Variants in REV3L observed in about 807,000 individuals in gnomAD.
REV3L encodes the protein DNA polymerase zeta catalytic subunit.
Under a neutral mutation model 299.4 loss-of-function variants are expected in REV3L, and 69 were observed. That is an observed-to-expected ratio of 0.23 (90% CI 0.19 to 0.28). The LOEUF (loss-of-function observed/expected upper bound fraction) is 0.28. REV3L is among the 10% of genes least tolerant of loss of function. REV3L has a pLI of 1.00. For synonymous variants in REV3L, 1,238 were observed against 1,271.4 expected (o/e 0.97, Z 0.56); for missense variants, 3,128 against 3,693.8 (o/e 0.85, Z 3.97).
At chr6:111,322,754 A>G (rs1258548573) in intron 25 of REV3L, 76 bp from the exon 26 acceptor site, 1 of 951,996 alleles carries the variant, frequency 1.1e-6, no homozygotes. Context: ...CATATAATAC[A>G]TTTAATTACT....
chr6:111,461,976 CAG>C (rs1250770112), intron 1 of REV3L, among the ~76,000 whole-genome samples: 2 of 151,922 alleles, frequency 1.3e-5, no homozygotes, highest in Non-Finnish European at 2.9e-5. Context: ...AAATGAAAGA[CAG>C]AGATTATCAG....
At chr6:111,358,430 T>C (rs568160931) in intron 17 of REV3L, among the ~76,000 whole-genome samples, 1 of 152,260 alleles carries the variant, frequency 6.6e-6, no homozygotes, top group East Asian at 1.9e-4. Flanking sequence ...AATATTAAGA[T>C]CTTTATATTG....
At chr6:111,345,247 TGAGAAGA>T (rs1776909075) in intron 20 of REV3L, among the ~76,000 whole-genome samples, 2 of 151,938 alleles carry the variant, frequency 1.3e-5, no homozygotes, top group Non-Finnish European at 1.5e-5. Flanking sequence ...AACATGAAAA[TGAGAAGA>T]GGGAAGATAT....
At chr6:111,331,870 A>G in intron 23 of REV3L, 86 bp from the exon 24 acceptor site, 1 of 834,352 alleles carries the variant, frequency 1.2e-6, no homozygotes, top group Non-Finnish European at 2.0e-6. Flanking sequence ...TTCTAACTCC[A>G]TTAGAAATTC....
chr6:111,475,924 T>C (rs1361146942), intron 1 of REV3L, among the ~76,000 whole-genome samples: 2 of 152,220 alleles, frequency 1.3e-5, no homozygotes, highest in Admixed American at 6.5e-5. Flanking sequence ...TTTTTCCAGA[T>C]GACTAACTGG....
intron 1 of REV3L, among the ~76,000 whole-genome samples, chr6:111,428,750 T>C (rs1786489909): frequency 6.6e-6 from 1 of 151,746 alleles, no homozygotes; most frequent in Admixed American, 6.6e-5. Flanking sequence ...AAAGACAAAA[T>C]CTAAGAAATT....
intron 1 of REV3L, among the ~76,000 whole-genome samples, chr6:111,422,772 C>T (rs1175252734): frequency 6.8e-6 from 1 of 147,666 alleles, no homozygotes; most frequent in African/African-American, 2.5e-5. Context: ...TTTTAAATAA[C>T]CCAGAAACTT....
chr6:111,439,345 G>A (rs1302829773), intron 1 of REV3L, among the ~76,000 whole-genome samples: 2 of 152,152 alleles, frequency 1.3e-5, no homozygotes, highest in African/African-American at 2.4e-5. Flanking sequence ...TGTACAGTGC[G>A]GTGGTGGTTC....
intron 1 of REV3L, among the ~76,000 whole-genome samples, chr6:111,432,798 C>CA (rs774689338): frequency 6.6e-6 from 1 of 152,032 alleles, no homozygotes; most frequent in Non-Finnish European, 1.5e-5. Flanking sequence ...ATATCTGAGA[C>CA]AAAAAACAAG....
chr6:111,357,189 AAAGT>A (rs1310678627), intron 17 of REV3L, 64 bp from the exon 18 acceptor site: 2 of 542,568 alleles, frequency 3.7e-6, no homozygotes, highest in Non-Finnish European at 5.7e-6. Flanking sequence ...TCATAATATA[AAAGT>A]AATATTATCC....
intron 21 of REV3L, 146 bp from the exon 22 acceptor site, chr6:111,335,756 C>A: frequency 2.8e-6 from 2 of 722,184 alleles, no homozygotes; most frequent in Non-Finnish European, 4.2e-6. Flanking sequence ...GCAAAGTATG[C>A]TAAGGAATTA....
intron 20 of REV3L, among the ~76,000 whole-genome samples, chr6:111,347,862 T>C (rs1011412050): frequency 6.6e-6 from 1 of 152,120 alleles, no homozygotes; most frequent in African/African-American, 2.4e-5. Flanking sequence ...AAGCTGGGAC[T>C]GTATGTGTGT....
chr6:111,405,431 ATT>A, intron 4 of REV3L, 37 bp downstream of exon 4: 1 of 1,526,232 alleles, frequency 6.6e-7, no homozygotes, highest in Non-Finnish European at 8.9e-7. Flanking sequence ...CAAAACTTTA[ATT>A]TGACAAAAAT....
chr6:111,453,528 G>T (rs890079425), intron 1 of REV3L, among the ~76,000 whole-genome samples: 1 of 152,102 alleles, frequency 6.6e-6, no homozygotes, highest in African/African-American at 2.4e-5. Flanking sequence ...AGGTAAAAAA[G>T]ACTTTTTGAC....
At chr6:111,418,607 T>C (rs1412705466) in intron 1 of REV3L, among the ~76,000 whole-genome samples, 1 of 152,224 alleles carries the variant, frequency 6.6e-6, no homozygotes, top group African/African-American at 2.4e-5. Context: ...GAGGTTAACG[T>C]TCCCAAAGTC....
chr6:111,450,761 TTAC>T (rs1789440250), intron 1 of REV3L, among the ~76,000 whole-genome samples: 2 of 152,300 alleles, frequency 1.3e-5, no homozygotes, highest in East Asian at 3.9e-4. Flanking sequence ...AGAAATTGTT[TTAC>T]ATTTTTGTAA....
chr6:111,439,243 C>T (rs953238809), intron 1 of REV3L, among the ~76,000 whole-genome samples: 3 of 152,084 alleles, frequency 2.0e-5, no homozygotes, highest in Non-Finnish European at 4.4e-5. Context: ...CAAATTTGAG[C>T]GATTTTCTTA....
chr6:111,372,038 T>C (rs1779854025), intron 13 of REV3L, among the ~76,000 whole-genome samples: 1 of 152,148 alleles, frequency 6.6e-6, no homozygotes, highest in Non-Finnish European at 1.5e-5. Flanking sequence ...CCAAAGTCCA[T>C]TTGCTAATAA....
chr6:111,309,692 A>C, intron 30 of REV3L, 161 bp downstream of exon 30: 1 of 716,138 alleles, frequency 1.4e-6, no homozygotes. Flanking sequence ...ACCTTTCTCT[A>C]CCCAGCACTT....
Sources: gnomAD v4.1 joint callset for allele counts (sites outside exome capture counted in the v4.1 genomes callset) on GRCh38, gnomAD v4.1.1 for gene constraint, MANE v1.5 for transcripts, NCBI Gene and HGNC (gene_info 2026-07-23, HGNC 2026-07-21) for gene names.